SPAG16: variants seen among roughly 807,000 people sequenced by gnomAD.
SPAG16 encodes sperm-associated antigen 16 protein.
Under a neutral mutation model 80.4 loss-of-function variants are expected in SPAG16, and 86 were observed. The observed-to-expected ratio is 1.07, with a 90% CI of 0.90 to 1.28. The LOEUF (loss-of-function observed/expected upper bound fraction) is 1.28, where lower values mean the gene tolerates loss of function less well. SPAG16 is among the 50% of genes most tolerant of loss of function. The probability of loss-of-function intolerance (pLI) is 0.00; values close to 1 mark genes in which losing one functional copy is unlikely to be tolerated. For missense variants in SPAG16, 870 were observed against 765.3 expected, an observed-to-expected ratio of 1.14 and a Z score of -1.61; for synonymous variants, 294 against 265.9, an observed-to-expected ratio of 1.11 and a Z score of -1.03.
At chr2:214,159,578 G>A (rs1424282048) in intron 15 of SPAG16, among the ~76,000 whole-genome samples, 15 of 152,014 alleles carry the variant, frequency 9.9e-5, no homozygotes, top group Middle Eastern at 3.4e-3. Flanking sequence ...TGGCACTTGT[G>A]ATAACTTGTA....
At chr2:213,962,103 A>G (rs1300327102) in intron 12 of SPAG16, among the ~76,000 whole-genome samples, 1 of 152,082 alleles carries the variant, frequency 6.6e-6, no homozygotes, top group Non-Finnish European at 1.5e-5. Context: ...CTAAGCCCCA[A>G]GTAATTCTAT....
intron 13 of SPAG16, among the ~76,000 whole-genome samples, chr2:214,047,660 A>G (rs930741172): frequency 2.0e-5 from 3 of 152,166 alleles, no homozygotes; most frequent in African/African-American, 7.2e-5. Context: ...ATACCCTACA[A>G]GCAAAGGCAA....
intron 11 of SPAG16, among the ~76,000 whole-genome samples, chr2:213,867,438 C>T (rs1023870812): frequency 2.0e-5 from 3 of 151,740 alleles, no homozygotes; most frequent in Non-Finnish European, 4.4e-5. Context: ...GAATGCTAGC[C>T]TCACCATTGC....
chr2:213,342,675 C>CAA (rs1398616682), intron 6 of SPAG16, among the ~76,000 whole-genome samples: 1 of 151,794 alleles, frequency 6.6e-6, no homozygotes, highest in East Asian at 1.9e-4. Context: ...TGGGGAATTT[C>CAA]TGCTTTGGGC....
At chr2:213,734,461 A>C (rs147787098) in intron 10 of SPAG16, among the ~76,000 whole-genome samples, 5 of 152,244 alleles carry the variant, frequency 3.3e-5, no homozygotes, top group African/African-American at 1.2e-4. Context: ...CTTCCAAAAT[A>C]AGATAAAACT....
At chr2:213,521,665 G>A (rs1408861867) in intron 10 of SPAG16, among the ~76,000 whole-genome samples, 1 of 152,134 alleles carries the variant, frequency 6.6e-6, no homozygotes, top group African/African-American at 2.4e-5. Flanking sequence ...CTCCCTGCTG[G>A]TGTTGGTCTG....
rs1470979792 is a variant in SPAG16, at chr2:214,038,043, T to G, written c.1527+23966T>G. ...CTAATGGTTGTGTTAATCTTATCCA[T>G]TCACATTAATTGACGTGCTAAATGT... On this transcript the variant is annotated intron_variant, in intron 13 of 15. Coordinates refer to ENST00000331683, the MANE Select transcript of SPAG16 (RefSeq NM_024532.5). 2.0e-5 allele frequency among the ~76,000 whole-genome samples: 3 copies of G among 152,280 alleles called. No homozygotes were observed. In the East Asian group the frequency reaches 5.8e-4, roughly 29 times the overall value.
At chr2:214,152,964 A>G (rs2056048953) in intron 15 of SPAG16, among the ~76,000 whole-genome samples, 1 of 152,154 alleles carries the variant, frequency 6.6e-6, no homozygotes, top group Admixed American at 6.5e-5. Flanking sequence ...AAGGCGGACT[A>G]GGAGCTTGAC....
intron 15 of SPAG16, among the ~76,000 whole-genome samples, chr2:214,172,096 A>T (rs1315475344): frequency 6.6e-6 from 1 of 151,244 alleles, no homozygotes; most frequent in Non-Finnish European, 1.5e-5. Context: ...TTTTTTTTTA[A>T]ATTTTATTAT....
chr2:214,191,794 T>C (rs1459205863), intron 15 of SPAG16, among the ~76,000 whole-genome samples: 1 of 151,088 alleles, frequency 6.6e-6, no homozygotes, highest in Non-Finnish European at 1.5e-5. Context: ...CACATAGAAT[T>C]TGAGGTTCTA....
intron 14 of SPAG16, among the ~76,000 whole-genome samples, chr2:214,130,821 G>A (rs914916096): frequency 6.6e-6 from 1 of 152,104 alleles, no homozygotes; most frequent in Non-Finnish European, 1.5e-5. Flanking sequence ...TTTAGAAGAG[G>A]CTCACTGCCA....
In SPAG16 at chr2:213,801,110, T is replaced by C. The variant is rs112886333; in HGVS notation, c.1071-61375T>C. Among the ~76,000 whole-genome samples, 173 of 152,316 alleles carry C rather than the reference T, an allele frequency of 1.1e-3. 2 individuals are homozygous for C. The highest frequency in any genetic ancestry group is 4.0e-3 in the African/African-American group (165 of 41,564). On this transcript the variant is annotated intron_variant, in intron 10 of 15. Coordinates refer to ENST00000331683, the MANE Select transcript of SPAG16 (RefSeq NM_024532.5). ...AACAAATGTGCAACATTTGTAAGTG[T>C]TCATATGTCTTCAGATCTTTTCTGG...
intron 1 of SPAG16, chr2:213,286,024 T>C: frequency 1.4e-6 from 1 of 739,874 alleles, no homozygotes; most frequent in Non-Finnish European, 2.0e-6. Flanking sequence ...TTTGCAAACA[T>C]CTTTGTGAAA....
chr2:214,123,862 A>G (rs111777630), intron 14 of SPAG16, among the ~76,000 whole-genome samples: 56 of 152,204 alleles, frequency 3.7e-4, no homozygotes, highest in African/African-American at 1.3e-3. Flanking sequence ...CGGGACACAT[A>G]GAGTGAACTA....
At chr2:213,709,570 C>T (rs1026937956) in intron 10 of SPAG16, among the ~76,000 whole-genome samples, 4 of 151,502 alleles carry the variant, frequency 2.6e-5, no homozygotes, top group Non-Finnish European at 5.9e-5. Context: ...ACACATACTA[C>T]AAAAAATTCA....
chr2:213,366,136 C>T (rs865871262), intron 8 of SPAG16, among the ~76,000 whole-genome samples: 20 of 120,924 alleles, frequency 1.7e-4, no homozygotes, highest in African/African-American at 3.6e-4. Flanking sequence ...AGCGAGACTC[C>T]GTCTCAAAAA....
intron 10 of SPAG16, among the ~76,000 whole-genome samples, chr2:213,557,639 G>A (rs142889720): frequency 4.0e-3 from 614 of 152,198 alleles, no homozygotes; most frequent in Middle Eastern, 0.017. Context: ...AAAAAATTGA[G>A]TTGAAGTCTC....
chr2:213,309,927 C>T, intron 3 of SPAG16, 132 bp from the exon 4 acceptor site: 2 of 571,384 alleles, frequency 3.5e-6, no homozygotes, highest in Non-Finnish European at 6.1e-6. Context: ...ATTAATGGTT[C>T]CTGGCATATA....
At chr2:213,765,495 C>A (rs1181430537) in intron 10 of SPAG16, among the ~76,000 whole-genome samples, 1 of 152,112 alleles carries the variant, frequency 6.6e-6, no homozygotes, top group Non-Finnish European at 1.5e-5. Context: ...CCTTCTATGT[C>A]CTCTTGAGTC....
Sources: gnomAD v4.1 joint callset for allele counts (sites outside exome capture counted in the v4.1 genomes callset) on GRCh38, gnomAD v4.1.1 for gene constraint, MANE v1.5 for transcripts, NCBI Gene and HGNC (gene_info 2026-07-23, HGNC 2026-07-21) for gene names.